Variants in CSMD1 observed in about 807,000 individuals in gnomAD.
The protein encoded by CSMD1 is CUB and Sushi multiple domains 1, also known as CUB and sushi domain-containing protein 1.
In CSMD1, 213 loss-of-function variants were observed where a neutral mutation model predicts 417.5. The observed-to-expected ratio is 0.51, with a 90% CI of 0.46 to 0.57. CSMD1 has a LOEUF of 0.57. CSMD1 is among the 20% of genes least tolerant of loss of function. The pLI is 0.00. For missense variants in CSMD1, 6,923 were observed against 4,529.7 expected (o/e 1.53, Z -15.17); for synonymous variants, 2,862 against 1,736.8 (o/e 1.65, Z -16.11).
chr8:3,957,731 G>T (rs1812057342), intron 5 of CSMD1, among the ~76,000 whole-genome samples: 1 of 142,440 alleles, frequency 7.0e-6, no homozygotes. Flanking sequence ...AAAAGGAAAA[G>T]AAATGTAGAA....
At chr8:4,877,499 C>A (rs1278707062) in intron 1 of CSMD1, among the ~76,000 whole-genome samples, 1 of 152,154 alleles carries the variant, frequency 6.6e-6, no homozygotes, top group East Asian at 1.9e-4. Context: ...CCTAAAATCT[C>A]TTCCCGATCC....
At chr8:3,244,333 G>T (rs1423140124) in intron 26 of CSMD1, among the ~76,000 whole-genome samples, 1 of 152,204 alleles carries the variant, frequency 6.6e-6, no homozygotes, top group Non-Finnish European at 1.5e-5. Context: ...GAATCAGGCA[G>T]TCACTCCGGA....
chr8:3,648,176 A>G (rs6999124), intron 7 of CSMD1, among the ~76,000 whole-genome samples: 66,583 of 152,118 alleles, frequency 0.44, 14,847 homozygotes, highest in South Asian at 0.56. Context: ...CCATATCTTA[A>G]AAATGTACAT....
intron 3 of CSMD1, among the ~76,000 whole-genome samples, chr8:4,050,525 G>T (rs1027764605): frequency 1.3e-5 from 2 of 151,976 alleles, no homozygotes; most frequent in African/African-American, 4.8e-5. Context: ...TCCTGGAGGG[G>T]TAAATCTTTA....
intron 10 of CSMD1, among the ~76,000 whole-genome samples, chr8:3,540,926 T>G (rs533844150): frequency 1.3e-5 from 2 of 152,362 alleles, no homozygotes; most frequent in Non-Finnish European, 1.5e-5. Context: ...TTTACACTGT[T>G]GGTGGGAATG....
intron 3 of CSMD1, among the ~76,000 whole-genome samples, chr8:4,195,689 T>C (rs966822926): frequency 6.6e-6 from 1 of 152,110 alleles, no homozygotes; most frequent in Non-Finnish European, 1.5e-5. Context: ...GTTGAAGAAT[T>C]CCACGCAGGG....
intron 29 of CSMD1, among the ~76,000 whole-genome samples, chr8:3,216,509 T>C (rs768918661): frequency 6.6e-6 from 1 of 152,222 alleles, no homozygotes; most frequent in Non-Finnish European, 1.5e-5. Context: ...TCTAGTTTCC[T>C]GTTTGATTAA....
rs528159032 is a variant in CSMD1, at chr8:3,276,473, G to C, written c.4153+7671C>G. Reference sequence around the variant, plus strand: ...GCAGAGAAGAGAGAGCTTGTGCAGGGAAACTCCCATTTATAAAACCATGAG... The same window carrying C: ...GCAGAGAAGAGAGAGCTTGTGCAGGCAAACTCCCATTTATAAAACCATGAG... On this transcript the variant is annotated intron_variant, in intron 26 of 69. Coordinates refer to ENST00000635120, the MANE Select transcript of CSMD1 (RefSeq NM_033225.6). 3.3e-5 allele frequency among the ~76,000 whole-genome samples: 5 copies of C among 152,246 alleles called. No homozygotes were observed. In the East Asian group the frequency reaches 7.7e-4, roughly 24 times the overall value.
chr8:4,638,449 A>T (rs751947286), intron 1 of CSMD1, among the ~76,000 whole-genome samples: 8 of 152,208 alleles, frequency 5.3e-5, no homozygotes, highest in Non-Finnish European at 1.0e-4. Flanking sequence ...TAAAAGACAT[A>T]AAACAAGGTA....
chr8:4,772,798 A>G (rs1195441548), intron 1 of CSMD1, among the ~76,000 whole-genome samples: 4 of 152,194 alleles, frequency 2.6e-5, no homozygotes, highest in Non-Finnish European at 5.9e-5. Flanking sequence ...TAAGGTACTC[A>G]TCTAATTTCG....
chr8:3,929,834 G>T (rs1339331921), intron 5 of CSMD1, among the ~76,000 whole-genome samples: 2 of 149,362 alleles, frequency 1.3e-5, no homozygotes, highest in African/African-American at 2.5e-5. Context: ...GCTAATTTTT[G>T]TGTTTTTAGT....
At chr8:4,142,796 G>C (rs912552968) in intron 3 of CSMD1, among the ~76,000 whole-genome samples, 5 of 150,884 alleles carry the variant, frequency 3.3e-5, no homozygotes, top group Admixed American at 3.3e-4. Flanking sequence ...ACAAAGTCTC[G>C]TATTTATTTT....
intron 5 of CSMD1, among the ~76,000 whole-genome samples, chr8:3,866,768 G>C (rs937255642): frequency 1.3e-5 from 2 of 152,168 alleles, no homozygotes; most frequent in Non-Finnish European, 2.9e-5. Context: ...CATATGCAAA[G>C]TGAGGACTCT....
At chr8:4,506,477 G>T (rs1272693434) in intron 2 of CSMD1, among the ~76,000 whole-genome samples, 1 of 152,118 alleles carries the variant, frequency 6.6e-6, no homozygotes, top group Non-Finnish European at 1.5e-5. Flanking sequence ...GGGATCTGCA[G>T]CCCCTCTTCA....
At chr8:4,175,324 A>C (rs577420202) in intron 3 of CSMD1, among the ~76,000 whole-genome samples, 1 of 152,142 alleles carries the variant, frequency 6.6e-6, no homozygotes, top group Non-Finnish European at 1.5e-5. Context: ...GTTTAGGTTA[A>C]AGTTATCTTC....
Position 3,984,893 on chromosome 8 carries a change from C to A in CSMD1, c.818+13010G>T, listed in dbSNP as rs74299126. On this transcript the variant is annotated intron_variant, in intron 5 of 69. Transcript: ENST00000635120. ...AAAGTTTGAATCTATGTCCATAAAA[C>A]GAATACTTTATTTCAAGCTTCATTG... 3.9e-3 allele frequency among the ~76,000 whole-genome samples: 586 copies of A among 151,598 alleles called. 25 individuals are homozygous for A. The East Asian group carries it at 0.066, about 17-fold the overall frequency.
At chr8:4,905,617 A>T (rs572216726) in intron 1 of CSMD1, among the ~76,000 whole-genome samples, 64 of 151,910 alleles carry the variant, frequency 4.2e-4, no homozygotes, top group East Asian at 1.6e-3. Flanking sequence ...CATGAGATCG[A>T]GGCCATCCTG....
rs190878228 is a variant in CSMD1, at chr8:3,937,941, G to C, written c.818+59962C>G. ...TATTAAACCTCAGTTCTAATGTTTA[G>C]TTACATACTAACTTACGGTGACCAT... is the stretch of plus-strand genomic sequence containing the variant. On this transcript the variant is annotated intron_variant, in intron 5 of 69. Transcript: ENST00000635120. Among the ~76,000 whole-genome samples, 460 of 152,110 alleles carry C rather than the reference G, an allele frequency of 3.0e-3. 5 individuals carry two copies. The highest frequency in any genetic ancestry group is 0.02 in the Middle Eastern group (6 of 294).
Position 3,544,451 on chromosome 8 carries a change from A to T in CSMD1, c.1344+30494T>A, listed in dbSNP as rs1159954489. ...GGCGTTCTTTCTCTTACTCTCGGGA[A>T]CGCCTTACTCTGTCCATGGAGTAGC... On this transcript the variant is annotated intron_variant, in intron 10 of 69. Coordinates refer to ENST00000635120, the MANE Select transcript of CSMD1 (RefSeq NM_033225.6). Among the ~76,000 whole-genome samples, 5 of 152,232 alleles carry T rather than the reference A, an allele frequency of 3.3e-5. No homozygotes were observed. The East Asian group carries it at 9.7e-4, about 30-fold the overall frequency.
Sources: allele counts gnomAD v4.1 joint callset (sites outside exome capture counted in the v4.1 genomes callset), GRCh38; gene constraint gnomAD v4.1.1; transcripts MANE v1.5; gene names NCBI Gene and HGNC (gene_info 2026-07-23, HGNC 2026-07-21).